GPC5: variants seen among roughly 807,000 people sequenced by gnomAD.
GPC5 encodes the protein glypican-5.
A neutral mutation model predicts 53.9 loss-of-function variants in GPC5; 47 were observed. The observed-to-expected ratio is 0.87, with a 90% confidence interval of 0.69 to 1.11. The LOEUF is 1.11. Among genes scored for constraint, GPC5 ranks in the 50% most tolerant of loss-of-function variants. The probability of loss-of-function intolerance (pLI) is 0.00; values close to 1 mark genes in which losing one functional copy is unlikely to be tolerated. For missense variants in GPC5, 748 were observed against 713.1 expected (o/e 1.05, Z -0.56); for synonymous variants, 286 against 263.3 (o/e 1.09, Z -0.84).
chr13:91,983,364 G>T (rs2138720704), intron 6 of GPC5, among the ~76,000 whole-genome samples: 1 of 151,922 alleles, frequency 6.6e-6, no homozygotes, highest in East Asian at 1.9e-4. Context: ...AAGGACCCAA[G>T]GGAGGAGGAA....
chr13:91,480,468 A>G (rs1418811374), intron 2 of GPC5, among the ~76,000 whole-genome samples: 3 of 152,208 alleles, frequency 2.0e-5, no homozygotes, highest in African/African-American at 7.2e-5. Flanking sequence ...TAGGAAAACC[A>G]CTTTCTATAA....
chr13:92,279,117 T>C (rs1350540943), intron 7 of GPC5, among the ~76,000 whole-genome samples: 2 of 152,092 alleles, frequency 1.3e-5, no homozygotes, highest in Admixed American at 6.5e-5. Flanking sequence ...TTGGAAAGTT[T>C]TGTTCTATTA....
At chr13:91,692,641 T>C (rs1397478454) in intron 2 of GPC5, among the ~76,000 whole-genome samples, 1 of 152,142 alleles carries the variant, frequency 6.6e-6, no homozygotes, top group African/African-American at 2.4e-5. Flanking sequence ...TTATTTTTTA[T>C]TTCATTACTT....
intron 7 of GPC5, among the ~76,000 whole-genome samples, chr13:92,293,487 C>T (rs961810371): frequency 3.3e-5 from 3 of 91,438 alleles, no homozygotes; most frequent in African/African-American, 1.3e-4. Flanking sequence ...TGATTTGATT[C>T]TAAGCTTGGT....
intron 5 of GPC5, among the ~76,000 whole-genome samples, chr13:91,845,409 C>T (rs371840509): frequency 6.6e-6 from 1 of 151,956 alleles, no homozygotes; most frequent in Non-Finnish European, 1.5e-5. Flanking sequence ...ATATGCATTT[C>T]CATTGTGAAA....
intron 2 of GPC5, among the ~76,000 whole-genome samples, chr13:91,488,756 T>C (rs1169135171): frequency 1.3e-5 from 2 of 152,248 alleles, no homozygotes; most frequent in South Asian, 2.1e-4. Context: ...TTGAACAATA[T>C]GTTCAGGGAA....
At chr13:92,128,954 C>T (rs150553320) in intron 6 of GPC5, among the ~76,000 whole-genome samples, 14 of 152,226 alleles carry the variant, frequency 9.2e-5, no homozygotes, top group African/African-American at 3.4e-4. Flanking sequence ...CAGAGTGAGA[C>T]TCCATTTCAA....
chr13:92,747,486 C>T (rs1368605959), intron 7 of GPC5, among the ~76,000 whole-genome samples: 3 of 152,132 alleles, frequency 2.0e-5, no homozygotes, highest in African/African-American at 7.2e-5. Flanking sequence ...TGAGTGAAAA[C>T]TGTGGAAAAT....
At chr13:92,604,767 G>C (rs1182874600) in intron 7 of GPC5, among the ~76,000 whole-genome samples, 2 of 152,130 alleles carry the variant, frequency 1.3e-5, no homozygotes, top group African/African-American at 2.4e-5. Context: ...TTACAACATA[G>C]ATGATGTCCA....
At chr13:92,652,301 T>C (rs970571425) in intron 7 of GPC5, among the ~76,000 whole-genome samples, 3 of 152,214 alleles carry the variant, frequency 2.0e-5, no homozygotes, top group Non-Finnish European at 4.4e-5. Context: ...TCTTCTCCAA[T>C]GCTTCTTTTT....
intron 5 of GPC5, among the ~76,000 whole-genome samples, chr13:91,841,196 C>A (rs2038783798): frequency 1.3e-5 from 2 of 151,678 alleles, no homozygotes; most frequent in African/African-American, 4.8e-5. Context: ...ACAGGGTCAT[C>A]ACTACATTTC....
chr13:91,955,198 C>G (rs1014483184), intron 6 of GPC5, among the ~76,000 whole-genome samples: 2 of 152,090 alleles, frequency 1.3e-5, no homozygotes, highest in African/African-American at 4.8e-5. Context: ...AAAATTTAAT[C>G]TATGTGTGTT....
intron 6 of GPC5, among the ~76,000 whole-genome samples, chr13:92,141,427 A>G (rs2041829743): frequency 6.6e-6 from 1 of 152,146 alleles, no homozygotes; most frequent in Non-Finnish European, 1.5e-5. Context: ...AGAGGTAAAT[A>G]AACTGAAAAG....
rs117321047 is a variant in GPC5, at chr13:92,442,757, T to C, written c.1561+297768T>C. On this transcript the variant is annotated intron_variant, in intron 7 of 7. Transcript: ENST00000377067. ...AAAAAAACTCAAAAGCCCAACTGCA[T>C]AGGGGTTCGTGCATAAGAGTATCAG... Among the ~76,000 whole-genome samples the C allele has an allele frequency of 5.9e-4, 90 of 152,254 alleles. 3 individuals carry two copies. In the East Asian group the frequency reaches 0.015, roughly 25 times the overall value.
At chr13:91,805,055 C>G (rs977401020) in intron 5 of GPC5, among the ~76,000 whole-genome samples, 1 of 152,194 alleles carries the variant, frequency 6.6e-6, no homozygotes, top group Non-Finnish European at 1.5e-5. Flanking sequence ...AGAACATAAC[C>G]TTCACACATC....
chr13:92,809,346 C>T (rs1034024599), intron 7 of GPC5, among the ~76,000 whole-genome samples: 1 of 152,140 alleles, frequency 6.6e-6, no homozygotes, highest in African/African-American at 2.4e-5. Flanking sequence ...ATACTGCAAT[C>T]GCTGTTCAAA....
At chr13:91,946,416 G>A (rs2039974898) in intron 6 of GPC5, among the ~76,000 whole-genome samples, 1 of 152,008 alleles carries the variant, frequency 6.6e-6, no homozygotes, top group African/African-American at 2.4e-5. Flanking sequence ...AGAAAATTTA[G>A]TTTGCTATCT....
At position 92,556,390 on chromosome 13, in the gene GPC5, A is replaced by T. The variant is rs148195378; in HGVS notation, c.1562-309892A>T. Among the ~76,000 whole-genome samples the T allele has an allele frequency of 2.0e-5, 3 of 151,912 alleles. No homozygotes were observed. In the East Asian group the frequency reaches 5.8e-4, roughly 29 times the overall value. ...TTCAAAAACATTTTTCTACTAGAGT[A>T]CTAGTCTTTTCTATATATATTATTT... On this transcript the variant is annotated intron_variant, in intron 7 of 7. Transcript: ENST00000377067.
At chr13:92,403,916 A>T (rs1266915154) in intron 7 of GPC5, among the ~76,000 whole-genome samples, 3 of 152,210 alleles carry the variant, frequency 2.0e-5, no homozygotes, top group South Asian at 2.1e-4. Context: ...TAGCAACTTT[A>T]TTGGAAAAAA....
Sources: gnomAD v4.1 joint callset for allele counts (sites outside exome capture counted in the v4.1 genomes callset) on GRCh38, gnomAD v4.1.1 for gene constraint, MANE v1.5 for transcripts, NCBI Gene and HGNC (gene_info 2026-07-23, HGNC 2026-07-21) for gene names.